The following GNL3L variants were observed in gnomAD, a reference collection of about 807,000 sequenced individuals.
GNL3L encodes the protein G protein nucleolar 3 like, also known as guanine nucleotide-binding protein-like 3-like protein.
A neutral mutation model predicts 42.9 loss-of-function variants in GNL3L; 4 were observed. The ratio of observed to expected loss-of-function variants is 0.09; its 90% CI spans 0.05 to 0.21. The LOEUF (loss-of-function observed/expected upper bound fraction) is 0.21, where lower values mean the gene tolerates loss of function less well. Among genes scored for constraint, GNL3L ranks in the 10% least tolerant of loss-of-function variants. The pLI is 1.00. For synonymous variants in GNL3L, 159 were observed against 176.3 expected, an observed-to-expected ratio of 0.90 and a Z score of 0.78; for missense variants, 412 against 481.7, an observed-to-expected ratio of 0.86 and a Z score of 1.36.
intron 16 of GNL3L, among the ~76,000 whole-genome samples, chrX:54,619,520 A>AT (rs58464935): frequency 1.5e-3 from 153 of 104,972 alleles, no homozygotes; most frequent in Admixed American, 4.0e-3. Flanking sequence ...GTTTTGCGCA[A>AT]TTTTTTTTTT....
intron 16 of GNL3L, among the ~76,000 whole-genome samples, chrX:54,587,707 G>A (rs1308024801): frequency 2.8e-5 from 3 of 106,530 alleles, no homozygotes; most frequent in African/African-American, 1.0e-4. Flanking sequence ...TTTAGACGGA[G>A]TCTCACCCTG....
the GNL3L span, among the ~76,000 whole-genome samples, chrX:54,641,144 C>T: frequency 2.7e-5 from 3 of 111,153 alleles, no homozygotes; most frequent in African/African-American, 9.8e-5. Flanking sequence ...TTTTGCCCTT[C>T]TCTGAACTCC....
chrX:54,632,012 C>T, the GNL3L span, among the ~76,000 whole-genome samples: 3 of 111,952 alleles, frequency 2.7e-5, no homozygotes, highest in Non-Finnish European at 5.6e-5. Flanking sequence ...AAGACGTTAG[C>T]TTTCCTTCAT....
the GNL3L span, among the ~76,000 whole-genome samples, chrX:54,633,104 C>T: frequency 6.3e-3 from 703 of 111,221 alleles, 6 homozygotes; most frequent in African/African-American, 0.021. Flanking sequence ...GATCCATCTT[C>T]GGGTCTCTTA....
chrX:54,615,300 A>G (rs1019907775), intron 16 of GNL3L, among the ~76,000 whole-genome samples: 2 of 112,121 alleles, frequency 1.8e-5, no homozygotes, highest in African/African-American at 6.5e-5. Context: ...AAATACCACA[A>G]TTTGTTTCTC....
At chrX:54,610,881 T>C (rs971704875) in intron 16 of GNL3L, among the ~76,000 whole-genome samples, 1 of 111,522 alleles carries the variant, frequency 9.0e-6, no homozygotes, top group Non-Finnish European at 1.9e-5. Context: ...TTAGGGAGAG[T>C]TCCTTTTTTC....
chrX:54,607,089 CTTTCTTTCT>C (rs1926100784), intron 16 of GNL3L, among the ~76,000 whole-genome samples: 1 of 43,903 alleles, frequency 2.3e-5, no homozygotes, highest in African/African-American at 1.2e-4. Flanking sequence ...TTTCTTCTTT[CTTTCTTTCT>C]TTCTTTCTTT....
chrX:54,543,488 C>T, intron 7 of GNL3L, 146 bp downstream of exon 7: 1 of 581,567 alleles, frequency 1.7e-6, no homozygotes, highest in Middle Eastern at 3.7e-4. Context: ...TTTTCAAAGC[C>T]TGTATCACAG....
At chrX:54,639,971 C>T in the GNL3L span, among the ~76,000 whole-genome samples, 39 of 110,295 alleles carry the variant, frequency 3.5e-4, no homozygotes, top group East Asian at 0.011. Flanking sequence ...TGGGGCTGGC[C>T]ACCGAGAGTG....
rs1925239068 is a variant in GNL3L at position 54,560,737 on chromosome X, CT to C, written c.*136del. ...TTTCCCCACTGTGTGTCTTCTCCCC[CT>C]CCTCCAGTAAAAACAGTCCCGGCTA... On this transcript the variant is annotated 3_prime_UTR_variant, in exon 16 of 16. Coordinates refer to ENST00000360845, the MANE Select transcript of GNL3L (RefSeq NM_001184819.2). The C allele has an allele frequency of 4.1e-6, 2 of 485,193 alleles. No individual in the cohort carries two copies. The highest frequency in any genetic ancestry group is 7.2e-6 in the Non-Finnish European group (2 of 276,485). 40.0% of individuals were successfully genotyped at this position (485,193 alleles called of 1,213,427 possible). A position where few individuals can be genotyped will look rare whatever the true frequency, so the allele number is the denominator to read the frequency against.
chrX:54,582,493 A>C (rs1925729854), intron 16 of GNL3L, among the ~76,000 whole-genome samples: 1 of 112,428 alleles, frequency 8.9e-6, no homozygotes, highest in South Asian at 3.7e-4. Context: ...GTTTCTTTGC[A>C]TCCTCACCAG....
At chrX:54,582,859 A>T (rs891427687) in intron 16 of GNL3L, among the ~76,000 whole-genome samples, 11 of 112,637 alleles carry the variant, frequency 9.8e-5, no homozygotes, top group African/African-American at 3.2e-4. Flanking sequence ...GTGGGGTTAC[A>T]GGCGTGAGCC....
At chrX:54,584,520 CAT>C (rs1314027199) in intron 16 of GNL3L, among the ~76,000 whole-genome samples, 1 of 111,666 alleles carries the variant, frequency 9.0e-6, no homozygotes, top group Non-Finnish European at 1.9e-5. Context: ...AGATTGCCAT[CAT>C]ATATGTGGTC....
intron 1 of GNL3L, among the ~76,000 whole-genome samples, chrX:54,530,747 C>A (rs193132266): frequency 8.9e-6 from 1 of 112,339 alleles, no homozygotes; most frequent in Non-Finnish European, 1.9e-5. Flanking sequence ...AGCTGAGCAG[C>A]GCAGACTTCT....
the GNL3L span, among the ~76,000 whole-genome samples, chrX:54,634,556 G>C: frequency 9.4e-6 from 1 of 106,775 alleles, no homozygotes; most frequent in African/African-American, 3.4e-5. Context: ...TCGGCTCATT[G>C]CAACCTCCAC....
At chrX:54,604,103 C>T (rs1926031403) in intron 16 of GNL3L, among the ~76,000 whole-genome samples, 1 of 111,074 alleles carries the variant, frequency 9.0e-6, no homozygotes, top group African/African-American at 3.3e-5. Context: ...TGTATCACTG[C>T]ACCCCAGCCT....
downstream of GNL3L, among the ~76,000 whole-genome samples, chrX:54,625,299 T>C (rs5961106): frequency 0.13 from 14,558 of 108,911 alleles, 1,489 homozygotes; most frequent in African/African-American, 0.36. Flanking sequence ...GTTTTTTTTT[T>C]TTTTTAATAA....
chrX:54,547,182 A>C (rs1213421195), intron 8 of GNL3L, among the ~76,000 whole-genome samples: 2 of 106,705 alleles, frequency 1.9e-5, no homozygotes, highest in African/African-American at 6.8e-5. Flanking sequence ...TTTTTAGTAG[A>C]GACGTGGTTT....
rs1925278045 is a variant in GNL3L at position 54,561,762 on chromosome X, T to C, written c.*1160T>C. 9.0e-6 allele frequency among the ~76,000 whole-genome samples: 1 copy of C among 111,289 alleles called. No homozygotes were observed. The highest frequency in any genetic ancestry group is 1.9e-5 in the Non-Finnish European group (1 of 53,031). On this transcript the variant is annotated 3_prime_UTR_variant, in exon 16 of 16. Coordinates refer to ENST00000360845, the MANE Select transcript of GNL3L (RefSeq NM_001184819.2). ...CAGACTGTATCCTCGAGAGAGCTGC[T>C]ATATATGGGAGTGTACCAGCCAACT...
Sources: gnomAD v4.1 joint callset for allele counts (sites outside exome capture counted in the v4.1 genomes callset) on GRCh38, gnomAD v4.1.1 for gene constraint, MANE v1.5 for transcripts, NCBI Gene and HGNC (gene_info 2026-07-23, HGNC 2026-07-21) for gene names.